Variants in SYT9 observed in about 807,000 individuals in gnomAD.
SYT9 encodes the protein synaptotagmin-9.
A neutral mutation model predicts 48.4 loss-of-function variants in SYT9; 22 were observed. The observed-to-expected ratio is 0.45, with a 90% CI of 0.32 to 0.65. SYT9 has a LOEUF of 0.65. Among genes scored for constraint, SYT9 ranks in the 30% least tolerant of loss-of-function variants. SYT9 has a pLI of 0.03. For missense variants in SYT9, 577 were observed against 622.0 expected (o/e 0.93, Z 0.77); for synonymous variants, 265 against 245.0 (o/e 1.08, Z -0.76).
chr11:7,260,901 G>C (rs1378387807), intron 1 of SYT9, among the ~76,000 whole-genome samples: 1 of 152,076 alleles, frequency 6.6e-6, no homozygotes, highest in African/African-American at 2.4e-5. Context: ...TTGCTTCCTT[G>C]CCTGGTTATT....
At chr11:7,466,090 G>C (rs1466408030) in intron 6 of SYT9, among the ~76,000 whole-genome samples, 1 of 152,118 alleles carries the variant, frequency 6.6e-6, no homozygotes, top group Non-Finnish European at 1.5e-5. Context: ...ACACCAAATT[G>C]TGATGATTCC....
At chr11:7,422,209 C>T (rs1245262372) in intron 6 of SYT9, among the ~76,000 whole-genome samples, 2 of 152,104 alleles carry the variant, frequency 1.3e-5, no homozygotes, top group African/African-American at 2.4e-5. Context: ...CAGAGAGGCC[C>T]CAAACCCAGA....
chr11:7,268,743 G>A (rs796500986), intron 1 of SYT9, among the ~76,000 whole-genome samples: 3 of 152,068 alleles, frequency 2.0e-5, no homozygotes, highest in African/African-American at 4.8e-5. Flanking sequence ...TTATCGAGAC[G>A]TGTTTTACAT....
intron 6 of SYT9, among the ~76,000 whole-genome samples, chr11:7,453,688 T>G (rs184753363): frequency 6.6e-5 from 10 of 152,322 alleles, no homozygotes; most frequent in South Asian, 2.1e-4. Context: ...TTTCCCTGAC[T>G]GACCAGAAGC....
intron 1 of SYT9, among the ~76,000 whole-genome samples, chr11:7,267,043 A>G (rs1313875807): frequency 1.3e-5 from 2 of 152,118 alleles, no homozygotes; most frequent in African/African-American, 4.8e-5. Flanking sequence ...TATAAAAAAC[A>G]TACTGAATAC....
intron 3 of SYT9, among the ~76,000 whole-genome samples, chr11:7,379,149 G>C: frequency 6.6e-6 from 1 of 152,138 alleles, no homozygotes; most frequent in African/African-American, 2.4e-5. Flanking sequence ...CCTTTCTGTA[G>C]CCCTTTAACT....
intron 1 of SYT9, among the ~76,000 whole-genome samples, chr11:7,269,231 G>A (rs1848250905): frequency 6.6e-6 from 1 of 151,864 alleles, no homozygotes; most frequent in South Asian, 2.1e-4. Context: ...GTGGGAAATG[G>A]GCTATTCAGC....
intron 6 of SYT9, among the ~76,000 whole-genome samples, chr11:7,459,123 A>T (rs1231448213): frequency 6.6e-6 from 1 of 152,258 alleles, no homozygotes; most frequent in East Asian, 1.9e-4. Flanking sequence ...AAAGTAAAGG[A>T]TGATTCCAAG....
intron 3 of SYT9, among the ~76,000 whole-genome samples, chr11:7,332,100 A>G (rs994658851): frequency 4.6e-5 from 7 of 152,196 alleles, no homozygotes; most frequent in Non-Finnish European, 8.8e-5. Context: ...ACTGCCCTCA[A>G]GTGAAACCCA....
intron 3 of SYT9, among the ~76,000 whole-genome samples, chr11:7,407,380 T>TGTACATGAGAAGCCA (rs1453648920): frequency 2.9e-5 from 2 of 68,398 alleles, no homozygotes; most frequent in East Asian, 2.7e-4. Context: ...TTTTTTTTTT[T>TGTACATGAGAAGCCA]TTTTTTTTTT....
chr11:7,420,958 T>G (rs12798943), intron 6 of SYT9, among the ~76,000 whole-genome samples: 1 of 151,938 alleles, frequency 6.6e-6, no homozygotes, highest in African/African-American at 2.4e-5. Flanking sequence ...AGTGGGGACT[T>G]TCAGGCCTTC....
chr11:7,323,855 G>A (rs1849380400), intron 3 of SYT9, among the ~76,000 whole-genome samples: 1 of 150,936 alleles, frequency 6.6e-6, no homozygotes, highest in Non-Finnish European at 1.5e-5. Flanking sequence ...TAAAAATTTT[G>A]TGACTAAACT....
intron 1 of SYT9, among the ~76,000 whole-genome samples, chr11:7,274,581 G>T (rs946445573): frequency 1.8e-4 from 27 of 152,196 alleles, no homozygotes; most frequent in African/African-American, 6.3e-4. Context: ...GCCTCAGGAA[G>T]TGTTGGGATT....
In SYT9 at chr11:7,291,689, G is replaced by GC. The variant is rs1296365274; in HGVS notation, c.146-11350_146-11349insC. On this transcript the variant is annotated intron_variant, in intron 1 of 6. Coordinates refer to ENST00000318881, the MANE Select transcript of SYT9 (RefSeq NM_175733.4). ...TGTCTTGCTCAACTGCTGTGCTCTG[G>GC]GGAAAAAAAAAAAAATCTCCTCGTG... Among the ~76,000 whole-genome samples the GC allele has an allele frequency of 1.7e-4, 24 of 137,290 alleles. No homozygotes were observed. The Admixed American group carries it at 1.8e-3, about 10-fold the overall frequency. 90.1% of individuals were successfully genotyped at this position (137,290 alleles called of 152,430 possible). A position where few individuals can be genotyped will look rare whatever the true frequency, so the allele number is the denominator to read the frequency against.
intron 3 of SYT9, among the ~76,000 whole-genome samples, chr11:7,367,328 T>G (rs2346819): frequency 0.022 from 3,372 of 150,888 alleles, 105 homozygotes; most frequent in African/African-American, 0.073. Context: ...TGATCCGCCC[T>G]CCTCGGCCTC....
At chr11:7,408,290 G>C (rs973693323) in intron 3 of SYT9, among the ~76,000 whole-genome samples, 1 of 151,914 alleles carries the variant, frequency 6.6e-6, no homozygotes, top group Non-Finnish European at 1.5e-5. Context: ...CACCATGCCC[G>C]GCTAATTTTG....
intron 6 of SYT9, among the ~76,000 whole-genome samples, chr11:7,464,652 A>G (rs11041401): frequency 0.053 from 8,108 of 152,276 alleles, 234 homozygotes; most frequent in African/African-American, 0.076. Flanking sequence ...TTCATTGGTG[A>G]CACTGAGCCT....
chr11:7,421,767 G>T (rs1847358983), intron 6 of SYT9, among the ~76,000 whole-genome samples: 1 of 152,214 alleles, frequency 6.6e-6, no homozygotes, highest in South Asian at 2.1e-4. Context: ...ATATGAATAA[G>T]AAACAGTCCT....
chr11:7,436,617 T>C (rs773924471), intron 6 of SYT9, among the ~76,000 whole-genome samples: 1 of 151,340 alleles, frequency 6.6e-6, no homozygotes. Flanking sequence ...GTCCAGTTGG[T>C]TTTTTTGTTT....
Sources: gnomAD v4.1 joint callset for allele counts (sites outside exome capture counted in the v4.1 genomes callset) on GRCh38, gnomAD v4.1.1 for gene constraint, MANE v1.5 for transcripts, NCBI Gene and HGNC (gene_info 2026-07-23, HGNC 2026-07-21) for gene names.